MRM3: variants seen among roughly 807,000 people sequenced by gnomAD.
The protein encoded by MRM3 is mitochondrial rRNA methyltransferase 3.
In MRM3, 26 loss-of-function variants were observed where a neutral mutation model predicts 29.4. The ratio of observed to expected loss-of-function variants is 0.89; its 90% CI spans 0.65 to 1.23. The LOEUF (loss-of-function observed/expected upper bound fraction) is 1.23. Ranked by LOEUF, MRM3 falls within the 50% of genes most tolerant of loss-of-function variation. The pLI, the probability that MRM3 is intolerant of heterozygous loss-of-function variation, is 0.00. For synonymous variants in MRM3, 225 were observed against 219.0 expected (o/e 1.03, Z -0.24); for missense variants, 578 against 540.2 (o/e 1.07, Z -0.69).
rs188535947 is a variant in MRM3 at position 787,921 on chromosome 17, C to T, written c.560-44C>T. 7.7e-5 allele frequency: 122 copies of T among 1,583,212 alleles called. No homozygotes were observed. Among genetic ancestry groups the T allele is most frequent in the Non-Finnish European group, 1.0e-4 (116 of 1,154,202 alleles). On this transcript the variant is annotated intron_variant, in intron 2 of 3. Transcript: ENST00000304478. The surrounding 1 kb of genome is among the most constrained non-coding windows in gnomAD (Gnocchi z 4.1). Reference sequence around the variant, plus strand: ...GTAAATGAAAAGTCAGACTATTCCCCGTGCCCACACCAGGCAAGTAAACCA... The same window carrying T: ...GTAAATGAAAAGTCAGACTATTCCCTGTGCCCACACCAGGCAAGTAAACCA...
chr17:791,480 C>A, intron 3 of MRM3, 54 bp from the exon 4 acceptor site: 2 of 1,559,500 alleles, frequency 1.3e-6, no homozygotes, highest in South Asian at 1.2e-5. Context: ...ACTCCACAGT[C>A]CCCTGGTCTG....
chr17:783,895 C>A (rs1476690974), intron 2 of MRM3, among the ~76,000 whole-genome samples: 1 of 152,098 alleles, frequency 6.6e-6, no homozygotes, highest in Non-Finnish European at 1.5e-5. Context: ...CTTTCTATGT[C>A]AGATTAAAAA....
chr17:791,599 A>G lies in MRM3; in HGVS notation c.793A>G (p.Ile265Val). 6.2e-7 allele frequency: 1 copy of G among 1,614,196 alleles called. No individual in the cohort carries two copies. Among genetic ancestry groups the G allele is most frequent in the East Asian group, 2.2e-5 (1 of 44,880 alleles). The change falls in exon 4 of 4, where the codon ATT becomes GTT. Residue 265 changes from isoleucine to valine, a missense_variant. Coordinates refer to ENST00000304478, the MANE Select transcript of MRM3 (RefSeq NM_018146.4). Reference sequence around the variant, plus strand: ...TATGGGCGCACATTTCCGGATGCCCATTATCAATAATCTGGAATGGGAAAC... The same window carrying G: ...TATGGGCGCACATTTCCGGATGCCCGTTATCAATAATCTGGAATGGGAAAC... ...AGMGAHFRMPIINNLEWETVP... is the reference protein window; with the variant it reads ...AGMGAHFRMPVINNLEWETVP...
In MRM3 at chr17:791,569, G is replaced by A; in HGVS notation, c.763G>A (p.Ala255Thr). Residue 255 changes from alanine to threonine, a missense_variant, in exon 4 of 4, where the codon GCG (alanine) becomes ACG (threonine). By Grantham distance (58) the Ala-to-Thr change is moderately conservative (BLOSUM62 0). Coordinates refer to ENST00000304478, the MANE Select transcript of MRM3 (RefSeq NM_018146.4). ...TGCCTGGGAGCCCAAAGTGCTCCGGGCGGGTATGGGCGCACATTTCCGGAT... is the reference window on the plus strand; with the variant it reads ...TGCCTGGGAGCCCAAAGTGCTCCGGACGGGTATGGGCGCACATTTCCGGAT... Reference protein sequence around the residue: ...VDAWEPKVLRAGMGAHFRMPI... With the variant: ...VDAWEPKVLRTGMGAHFRMPI... 1 of 1,614,126 alleles carries A rather than the reference G, an allele frequency of 6.2e-7. No individual in the cohort carries two copies. Among genetic ancestry groups the A allele is most frequent in the Non-Finnish European group, 8.5e-7 (1 of 1,180,008 alleles).
intron 2 of MRM3, 98 bp downstream of exon 2, chr17:783,425 C>G (rs931489622): frequency 1.6e-6 from 2 of 1,246,918 alleles, no homozygotes; most frequent in African/African-American, 3.0e-5. Flanking sequence ...CAACCTCCGC[C>G]TCTCGGGTTC....
intron 2 of MRM3, among the ~76,000 whole-genome samples, chr17:786,336 T>G (rs1277325424): frequency 6.6e-6 from 1 of 152,174 alleles, no homozygotes; most frequent in Non-Finnish European, 1.5e-5. Flanking sequence ...TGTAGTGGCG[T>G]GATCTCCGCT....
intron 3 of MRM3, among the ~76,000 whole-genome samples, chr17:791,052 G>A (rs1476311145): frequency 6.6e-6 from 1 of 152,190 alleles, no homozygotes; most frequent in Non-Finnish European, 1.5e-5. Context: ...TCCTTAGGCT[G>A]CGCCACTCTC....
Position 787,966 on chromosome 17 carries a change from G to T in MRM3, c.561G>T (p.Gly187=), listed in dbSNP as rs543140953. 54 of 1,613,418 alleles carry T rather than the reference G, an allele frequency of 3.3e-5. No individual in the cohort carries two copies. In the East Asian group the frequency reaches 8.2e-4, roughly 25 times the overall value. Residue 187 remains glycine, a splice_region_variant and synonymous_variant, in exon 3 of 4, where the codon GGG becomes GGT. Coordinates refer to ENST00000304478, the MANE Select transcript of MRM3 (RefSeq NM_018146.4). This position sits in a 1 kb window ranked among gnomAD's most constrained non-coding sequence, Gnocchi z 4.1. ...AAACCACCTGTTTTGTTTCCTCAGGGATTTTTGCCAAGCCTGACCATGTTA... is the reference window on the plus strand; with the variant it reads ...AAACCACCTGTTTTGTTTCCTCAGGTATTTTTGCCAAGCCTGACCATGTTA... ...SDLVTPQGIM[G]IFAKPDHVKM...
Position 791,801 on chromosome 17 carries a change from A to G in MRM3, c.995A>G (p.Asp332Gly), listed in dbSNP as rs1302307003. ...EEDVETGASQ[D>G]WLPHVEVQSY... ...GATGTAGAAACCGGAGCCAGTCAAG[A>G]TTGGCTGCCTCATGTTGAGGTTCAG... is the stretch of plus-strand genomic sequence containing the variant. Residue 332 changes from aspartate (D) to glycine (G), a missense_variant, in exon 4 of 4, where the codon GAT (aspartate) becomes GGT (glycine). By Grantham distance (94) the Asp-to-Gly change is moderately conservative. Coordinates refer to ENST00000304478, the MANE Select transcript of MRM3 (RefSeq NM_018146.4). The G allele has an allele frequency of 6.2e-7, 1 of 1,614,208 alleles. No individual in the cohort carries two copies. Among genetic ancestry groups the G allele is most frequent in the Non-Finnish European group, 8.5e-7 (1 of 1,180,048 alleles).
Position 791,902 on chromosome 17 carries a change from TC to T in MRM3, c.1099del (p.Leu367CysfsTer13), listed in dbSNP as rs1427834326. 3 of 1,613,502 alleles carry T rather than the reference TC, an allele frequency of 1.9e-6. No individual in the cohort carries two copies. Among genetic ancestry groups the T allele is most frequent in the Admixed American group, 1.7e-5 (1 of 59,974 alleles). On this transcript the variant is annotated frameshift_variant, in exon 4 of 4. Transcript: ENST00000304478. LOFTEE classifies it high-confidence loss of function. ...GGAGACCTACGGCGTGAGCCTGGAG[TC>T]CCTGCAGCTGGCCGAGAGCACTGGT... Reference protein sequence around the residue: ...GGETYGVSLESLQLAESTGGK... With the variant: ...GGETYGVSLEXLQLAESTGGK...
chr17:782,421 T>C lies in MRM3; in HGVS notation c.43T>C (p.Leu15=). The change falls in exon 1 of 4, where the codon TTG becomes CTG. Residue 15 remains leucine (L), a synonymous_variant. Coordinates refer to ENST00000304478, the MANE Select transcript of MRM3 (RefSeq NM_018146.4). Reference sequence around the variant, plus strand: ...ACCCGCGAGGTTTGTCGTGCGACCGTTGCTGCAGGTGGTCCAGGCTTGGGA... The same window carrying C: ...ACCCGCGAGGTTTGTCGTGCGACCGCTGCTGCAGGTGGTCCAGGCTTGGGA... ...VRPARFVVRP[L]LQVVQAWDLD... 1 of 1,613,948 alleles carries C rather than the reference T, an allele frequency of 6.2e-7. No homozygotes were observed. Among genetic ancestry groups the C allele is most frequent in the Non-Finnish European group, 8.5e-7 (1 of 1,179,968 alleles).
At chr17:791,123 A>AGAT (rs1052979752) in intron 3 of MRM3, among the ~76,000 whole-genome samples, 2 of 152,060 alleles carry the variant, frequency 1.3e-5, no homozygotes, top group Non-Finnish European at 2.9e-5. Flanking sequence ...GTGGTCTTTT[A>AGAT]GATGGTTTTC....
At chr17:786,517 C>T (rs909831267) in intron 2 of MRM3, among the ~76,000 whole-genome samples, 2 of 152,110 alleles carry the variant, frequency 1.3e-5, no homozygotes, top group Non-Finnish European at 2.9e-5. Flanking sequence ...CCTCATGATC[C>T]GCCCACCTCA....
chr17:791,623 A>G lies in MRM3; in HGVS notation c.817A>G (p.Thr273Ala), dbSNP rs947298729. 6.2e-7 allele frequency: 1 copy of G among 1,614,250 alleles called. No homozygotes were observed. The highest frequency in any genetic ancestry group is 8.5e-7 in the Non-Finnish European group (1 of 1,180,044). The change falls in exon 4 of 4, where the codon ACC becomes GCC. Residue 273 changes from threonine (T) to alanine (A), a missense_variant. Transcript: ENST00000304478. ...CATTATCAATAATCTGGAATGGGAA[A>G]CCGTGCCCAATTACCTGCCCCCTGA... Reference protein sequence around the residue: ...MPIINNLEWETVPNYLPPDTR... With the variant: ...MPIINNLEWEAVPNYLPPDTR...
At chr17:786,344 G>A (rs1057393655) in intron 2 of MRM3, among the ~76,000 whole-genome samples, 9 of 152,092 alleles carry the variant, frequency 5.9e-5, no homozygotes, top group African/African-American at 9.7e-5. Context: ...CGTGATCTCC[G>A]CTCATTGCAA....
intron 3 of MRM3, among the ~76,000 whole-genome samples, chr17:790,979 G>A (rs969829581): frequency 2.0e-5 from 3 of 147,276 alleles, no homozygotes; most frequent in African/African-American, 7.5e-5. Flanking sequence ...CGGCTGATTG[G>A]CTGGCTCACC....
intron 1 of MRM3, 83 bp downstream of exon 1, chr17:782,775 A>G (rs1252009084): frequency 1.4e-5 from 20 of 1,399,910 alleles, no homozygotes; most frequent in Non-Finnish European, 1.6e-5. Flanking sequence ...CCGATGGAGG[A>G]CTTCTTCCAG....
rs763073565 is a variant in MRM3, at chr17:783,215, A to G, written c.447A>G (p.Leu149=). 27 of 1,614,130 alleles carry G rather than the reference A, an allele frequency of 1.7e-5. No individual in the cohort carries two copies. Among genetic ancestry groups the G allele is most frequent in the Admixed American group, 1.0e-4 (6 of 60,012 alleles). Reference sequence around the variant, plus strand: ...CAAAAATGTTCTTCTTTAGCCGTCTAGAATACCTAAAGGAGTTGCCAGTCG... The same window carrying G: ...CAAAAATGTTCTTCTTTAGCCGTCTGGAATACCTAAAGGAGTTGCCAGTCG... ...AVPKMFFFSR[L]EYLKELPVDK... Residue 149 remains leucine, a synonymous_variant, in exon 2 of 4, where the codon CTA becomes CTG. Coordinates refer to ENST00000304478, the MANE Select transcript of MRM3 (RefSeq NM_018146.4).
rs553554293 is a variant in MRM3, at chr17:791,062, C to T, written c.728-472C>T. ...TGCAGTCCTTAGGCTGCGCCACTCT[C>T]CCGCTTCCTCTCCTAGCTCTGTCCT... On this transcript the variant is annotated intron_variant, in intron 3 of 3. Transcript: ENST00000304478. Among the ~76,000 whole-genome samples the T allele has an allele frequency of 6.6e-5, 10 of 152,312 alleles. No homozygotes were observed. The South Asian group carries it at 1.2e-3, about 19-fold the overall frequency.
Sources: gnomAD v4.1 joint callset for allele counts (sites outside exome capture counted in the v4.1 genomes callset) on GRCh38, gnomAD v4.1.1 for gene constraint, Gnocchi (gnomAD v3.1) non-coding constraint, MANE v1.5 for transcripts, NCBI Gene and HGNC (gene_info 2026-07-23, HGNC 2026-07-21) for gene names.